The following OPCML variants were observed in gnomAD, a reference collection of about 807,000 sequenced individuals.
OPCML encodes the protein opioid-binding protein/cell adhesion molecule.
OPCML carries 13 observed loss-of-function variants against 37.8 expected under a neutral mutation model. The ratio of observed to expected loss-of-function variants is 0.34; its 90% CI spans 0.22 to 0.55. OPCML has a LOEUF of 0.55. OPCML is among the 20% of genes least tolerant of loss of function. The probability of loss-of-function intolerance (pLI) is 0.91; values close to 1 mark genes in which losing one functional copy is unlikely to be tolerated. For missense variants in OPCML, 341 were observed against 435.6 expected, an observed-to-expected ratio of 0.78 and a Z score of 1.93; for synonymous variants, 176 against 168.8, an observed-to-expected ratio of 1.04 and a Z score of -0.33.
At chr11:133,037,725 G>A (rs1053746308) in intron 1 of OPCML, among the ~76,000 whole-genome samples, 4 of 152,174 alleles carry the variant, frequency 2.6e-5, no homozygotes, top group Non-Finnish European at 2.9e-5. Flanking sequence ...CAAGGTCACT[G>A]TTACCTTGCA....
At chr11:133,065,135 G>T (rs181592049) in intron 1 of OPCML, 1 of 152,410 alleles carries the variant, frequency 6.6e-6, no homozygotes, top group East Asian at 1.9e-4. Context: ...GGACCTGGAC[G>T]AGCATGAAGT....
At chr11:133,038,395 G>A (rs559743594) in intron 1 of OPCML, among the ~76,000 whole-genome samples, 1 of 152,332 alleles carries the variant, frequency 6.6e-6, no homozygotes, top group African/African-American at 2.4e-5. Flanking sequence ...TGTGGGAAAA[G>A]TAATAAATTC....
At chr11:133,463,898 G>A (rs117879768) in intron 1 of OPCML, among the ~76,000 whole-genome samples, 2 of 152,248 alleles carry the variant, frequency 1.3e-5, no homozygotes, top group Non-Finnish European at 2.9e-5. Context: ...CGGGGTGATG[G>A]TTGGCAATTG....
chr11:132,587,668 G>A (rs1481348607), intron 3 of OPCML, among the ~76,000 whole-genome samples: 3 of 152,156 alleles, frequency 2.0e-5, no homozygotes, highest in Non-Finnish European at 4.4e-5. Flanking sequence ...TTACACCTAA[G>A]GGGGCACTGC....
chr11:132,548,149 C>A (rs1196887183), intron 3 of OPCML, among the ~76,000 whole-genome samples: 1 of 152,164 alleles, frequency 6.6e-6, no homozygotes, highest in Admixed American at 6.5e-5. Flanking sequence ...CCCTCTCCAA[C>A]ACTGATCAAG....
At chr11:132,506,620 C>A (rs944587232) in intron 4 of OPCML, among the ~76,000 whole-genome samples, 3 of 152,114 alleles carry the variant, frequency 2.0e-5, no homozygotes, top group Non-Finnish European at 4.4e-5. Flanking sequence ...TGCCGCAATT[C>A]TTACCTCCCA....
rs185214793 is a variant in OPCML, at chr11:132,636,284, G to A, written c.379+20803C>T. 4.3e-4 allele frequency among the ~76,000 whole-genome samples: 66 copies of A among 152,268 alleles called. 1 individual carries two copies. Among genetic ancestry groups the A allele is most frequent in the African/African-American group, 1.4e-3 (60 of 41,560 alleles). On this transcript the variant is annotated intron_variant, in intron 3 of 7. Transcript: ENST00000524381. ...AATAGTTATGTATTAGTAAAGTCACGTGCAGAATTCAAGCAATTATCTGGG... is the reference window on the plus strand; with the variant it reads ...AATAGTTATGTATTAGTAAAGTCACATGCAGAATTCAAGCAATTATCTGGG...
At chr11:133,273,128 G>A (rs1324210488) in intron 1 of OPCML, among the ~76,000 whole-genome samples, 2 of 152,162 alleles carry the variant, frequency 1.3e-5, no homozygotes, top group African/African-American at 4.8e-5. Flanking sequence ...GAAAGTGGAT[G>A]TCCCTCCCTA....
intron 2 of OPCML, among the ~76,000 whole-genome samples, chr11:132,658,779 C>A (rs2135778587): frequency 6.6e-6 from 1 of 152,294 alleles, no homozygotes; most frequent in Non-Finnish European, 1.5e-5. Context: ...ACCCATCTAA[C>A]CATTCACTCC....
At chr11:133,271,568 C>A (rs1389755638) in intron 1 of OPCML, among the ~76,000 whole-genome samples, 1 of 152,160 alleles carries the variant, frequency 6.6e-6, no homozygotes, top group African/African-American at 2.4e-5. Flanking sequence ...ATGATAAACA[C>A]ATGCATTGTT....
At chr11:133,042,269 A>G (rs1295434929) in intron 1 of OPCML, among the ~76,000 whole-genome samples, 1 of 152,222 alleles carries the variant, frequency 6.6e-6, no homozygotes, top group African/African-American at 2.4e-5. Flanking sequence ...TTAATTAGAA[A>G]GGGTCCTGGG....
intron 1 of OPCML, among the ~76,000 whole-genome samples, chr11:133,210,147 C>T (rs1030896711): frequency 1.3e-5 from 2 of 152,200 alleles, no homozygotes; most frequent in African/African-American, 4.8e-5. Context: ...TGGGCTGTCA[C>T]TCACTATTTT....
chr11:133,415,655 C>T (rs1318362958), intron 1 of OPCML, among the ~76,000 whole-genome samples: 3 of 152,176 alleles, frequency 2.0e-5, no homozygotes, highest in Non-Finnish European at 4.4e-5. Context: ...TGTGGTACCT[C>T]ACCTGGCAAA....
At chr11:132,466,140 T>C (rs2096118746) in intron 4 of OPCML, among the ~76,000 whole-genome samples, 1 of 152,022 alleles carries the variant, frequency 6.6e-6, no homozygotes, top group Non-Finnish European at 1.5e-5. Flanking sequence ...TAGAAGACAA[T>C]GGCACAGGGA....
rs531375266 is a variant in OPCML at position 133,169,115 on chromosome 11, C to A, written c.62-226105G>T. On this transcript the variant is annotated intron_variant, in intron 1 of 7. Coordinates refer to ENST00000524381, the MANE Select transcript of OPCML (RefSeq NM_001012393.5). ...TTGCACTCCAGCCTGGGCAACAGAGCAAGACTCCATCTCAAAAAATAAATA... is the reference window on the plus strand; with the variant it reads ...TTGCACTCCAGCCTGGGCAACAGAGAAAGACTCCATCTCAAAAAATAAATA... 2.6e-5 allele frequency among the ~76,000 whole-genome samples: 4 copies of A among 152,202 alleles called. No homozygotes were observed. The East Asian group carries it at 7.7e-4, about 29-fold the overall frequency.
chr11:133,210,819 T>C (rs1250843831), intron 1 of OPCML, among the ~76,000 whole-genome samples: 2 of 152,204 alleles, frequency 1.3e-5, no homozygotes, highest in Non-Finnish European at 2.9e-5. Context: ...TTAACTTCTC[T>C]GAACTTGCTC....
chr11:132,615,040 C>T (rs1296777844), intron 3 of OPCML, among the ~76,000 whole-genome samples: 1 of 152,218 alleles, frequency 6.6e-6, no homozygotes, highest in South Asian at 2.1e-4. Flanking sequence ...TTTATTCTAC[C>T]TATACTCTAC....
chr11:133,225,230 G>A (rs1395696419), intron 1 of OPCML, among the ~76,000 whole-genome samples: 1 of 152,286 alleles, frequency 6.6e-6, no homozygotes, highest in African/African-American at 2.4e-5. Flanking sequence ...CAGGTCACTG[G>A]ATAAAGCCAA....
chr11:132,878,303 G>T (rs1477940704), intron 2 of OPCML, among the ~76,000 whole-genome samples: 1 of 152,206 alleles, frequency 6.6e-6, no homozygotes, highest in Non-Finnish European at 1.5e-5. Flanking sequence ...AACGTGTTCT[G>T]TGAGAACATT....
Sources: gnomAD v4.1 joint callset for allele counts (sites outside exome capture counted in the v4.1 genomes callset) on GRCh38, gnomAD v4.1.1 for gene constraint, MANE v1.5 for transcripts, NCBI Gene and HGNC (gene_info 2026-07-23, HGNC 2026-07-21) for gene names.